Variants in GRK5 observed in about 807,000 individuals in gnomAD.
GRK5 encodes the protein G protein-coupled receptor kinase 5.
A neutral mutation model predicts 78.4 loss-of-function variants in GRK5; 40 were observed. That is an observed-to-expected ratio of 0.51 (90% CI 0.40 to 0.66). The LOEUF is 0.66. Among genes scored for constraint, GRK5 ranks in the 30% least tolerant of loss-of-function variants. The probability of loss-of-function intolerance (pLI) is 0.00; values close to 1 mark genes in which losing one functional copy is unlikely to be tolerated. For missense variants in GRK5, 598 were observed against 759.9 expected, an observed-to-expected ratio of 0.79 and a Z score of 2.50; for synonymous variants, 289 against 296.8, an observed-to-expected ratio of 0.97 and a Z score of 0.27.
chr10:119,371,265 G>C (rs1174828358), intron 2 of GRK5, among the ~76,000 whole-genome samples: 1 of 152,214 alleles, frequency 6.6e-6, no homozygotes, highest in Non-Finnish European at 1.5e-5. Context: ...CCCGGTGGGA[G>C]GGCCTGGCTG....
At chr10:119,286,102 A>G (rs745401752) in intron 1 of GRK5, among the ~76,000 whole-genome samples, 2 of 152,072 alleles carry the variant, frequency 1.3e-5, no homozygotes, top group South Asian at 2.1e-4. Flanking sequence ...ATTTTTATGT[A>G]TTCTGTAGCC....
intron 1 of GRK5, among the ~76,000 whole-genome samples, chr10:119,261,518 A>C (rs551571683): frequency 9.8e-4 from 149 of 151,804 alleles, no homozygotes; most frequent in African/African-American, 3.1e-3. Flanking sequence ...AGAGGCTGCA[A>C]TCTCGGCACT....
At chr10:119,440,013 C>G (rs1011818650) in intron 10 of GRK5, among the ~76,000 whole-genome samples, 2 of 152,282 alleles carry the variant, frequency 1.3e-5, no homozygotes. Flanking sequence ...CCATAAGGCT[C>G]TAAGTGTTAA....
Position 119,412,998 on chromosome 10 carries a change from TGA to T in GRK5, c.340-10167_340-10166del, listed in dbSNP as rs1852375743. On this transcript the variant is annotated intron_variant, in intron 4 of 15. Coordinates refer to ENST00000392870, the MANE Select transcript of GRK5 (RefSeq NM_005308.3). The surrounding 1 kb of genome is among the most constrained non-coding windows in gnomAD (Gnocchi z 4.3). The stretch of plus-strand genomic sequence containing the variant: ...CTCCTGCTCACCTGGCCTAAGCCCC[TGA>T]TTTTACAGATGGTGAATTCGTCTGG... Among the ~76,000 whole-genome samples the T allele has an allele frequency of 6.6e-6, 1 of 152,204 alleles. No individual in the cohort carries two copies. The highest frequency in any genetic ancestry group is 2.4e-5 in the African/African-American group (1 of 41,446).
chr10:119,324,689 G>A (rs909998384), intron 1 of GRK5, among the ~76,000 whole-genome samples: 5 of 152,228 alleles, frequency 3.3e-5, no homozygotes, highest in African/African-American at 1.2e-4. Context: ...GCAGGTGAGG[G>A]GCTTGGCCCC....
chr10:119,298,487 T>C (rs77570056), intron 1 of GRK5, among the ~76,000 whole-genome samples: 1,630 of 152,334 alleles, frequency 0.011, 21 homozygotes, highest in African/African-American at 0.037. Flanking sequence ...TTGATGCCAT[T>C]GACTCTGCCA....
chr10:119,222,174 A>C (rs1243457228), intron 1 of GRK5, among the ~76,000 whole-genome samples: 1 of 152,192 alleles, frequency 6.6e-6, no homozygotes, highest in Non-Finnish European at 1.5e-5. Context: ...TTCCAAGATC[A>C]CATACCAAGG....
chr10:119,309,069 A>C (rs982230308), intron 1 of GRK5, among the ~76,000 whole-genome samples: 1 of 152,136 alleles, frequency 6.6e-6, no homozygotes, highest in African/African-American at 2.4e-5. Flanking sequence ...AACTGGGGCC[A>C]CCTTCGGAGT....
intron 1 of GRK5, among the ~76,000 whole-genome samples, chr10:119,294,816 C>T (rs903220697): frequency 3.3e-5 from 5 of 152,130 alleles, no homozygotes; most frequent in Non-Finnish European, 7.3e-5. Context: ...GTTTTGCTCT[C>T]CAATGGCAGA....
chr10:119,389,825 CACACACACACA>C (rs1397869027), intron 3 of GRK5, among the ~76,000 whole-genome samples: 2 of 151,974 alleles, frequency 1.3e-5, no homozygotes, highest in South Asian at 4.2e-4. Context: ...CACACACACA[CACACACACACA>C]CCCAACACAC....
intron 10 of GRK5, among the ~76,000 whole-genome samples, chr10:119,440,358 C>T (rs1030891287): frequency 2.0e-5 from 3 of 152,018 alleles, no homozygotes; most frequent in Non-Finnish European, 4.4e-5. Context: ...TGTTTAGCCT[C>T]ACACCTGGAA....
chr10:119,313,590 G>C (rs1275756757), intron 1 of GRK5, among the ~76,000 whole-genome samples: 1 of 152,130 alleles, frequency 6.6e-6, no homozygotes, highest in Admixed American at 6.5e-5. Flanking sequence ...GATGTCATGA[G>C]GCAGTGGACG....
At position 119,434,437 on chromosome 10, in the gene GRK5, T is replaced by C. The variant is rs1341901470; in HGVS notation, c.739-2214T>C. Among the ~76,000 whole-genome samples, 3 of 152,232 alleles carry C rather than the reference T, an allele frequency of 2.0e-5. No individual in the cohort carries two copies. In the East Asian group the frequency reaches 5.8e-4, roughly 29 times the overall value. Reference sequence around the variant, plus strand: ...CCTAGATACAATGTGGGTACAGGCATTGGGTAAATACAGCTGTTCCAAATG... The same window carrying C: ...CCTAGATACAATGTGGGTACAGGCACTGGGTAAATACAGCTGTTCCAAATG... On this transcript the variant is annotated intron_variant, in intron 8 of 15. Transcript: ENST00000392870.
At chr10:119,408,644 GACAAATCC>G (rs140264879) in intron 4 of GRK5, among the ~76,000 whole-genome samples, 2,816 of 152,272 alleles carry the variant, frequency 0.018, 29 homozygotes, top group Non-Finnish European at 0.025. Flanking sequence ...ATCTAGAATA[GACAAATCC>G]ATAGAGGCAG....
intron 1 of GRK5, among the ~76,000 whole-genome samples, chr10:119,261,491 C>G (rs1315857707): frequency 6.6e-6 from 1 of 150,396 alleles, no homozygotes; most frequent in Non-Finnish European, 1.5e-5. Flanking sequence ...ACTTCCCAGA[C>G]GGGGTGGCGG....
At chr10:119,398,022 C>T (rs1260165003) in intron 4 of GRK5, among the ~76,000 whole-genome samples, 1 of 152,220 alleles carries the variant, frequency 6.6e-6, no homozygotes, top group East Asian at 1.9e-4. Flanking sequence ...TAAAACACTT[C>T]TAGGCATAGA....
At chr10:119,263,148 C>T (rs1849439153) in intron 1 of GRK5, among the ~76,000 whole-genome samples, 1 of 152,078 alleles carries the variant, frequency 6.6e-6, no homozygotes. Flanking sequence ...GCTGGGATTA[C>T]AGGCGCGCAC....
chr10:119,254,994 G>C (rs1203464488), intron 1 of GRK5, among the ~76,000 whole-genome samples: 4 of 147,246 alleles, frequency 2.7e-5, no homozygotes, highest in Non-Finnish European at 4.4e-5. Context: ...AGCCGAGATT[G>C]CGCCATTGCA....
intron 1 of GRK5, among the ~76,000 whole-genome samples, chr10:119,314,908 G>A (rs2420615): frequency 0.69 from 105,337 of 152,002 alleles, 38,098 homozygotes; most frequent in Non-Finnish European, 0.79. Flanking sequence ...CCGAGTCAGG[G>A]ACCCAGGCAG....
Sources: allele counts gnomAD v4.1 joint callset (sites outside exome capture counted in the v4.1 genomes callset), GRCh38; gene constraint gnomAD v4.1.1; non-coding constraint Gnocchi (gnomAD v3.1); transcripts MANE v1.5; gene names NCBI Gene and HGNC (gene_info 2026-07-23, HGNC 2026-07-21).